The following KDM5A variants were observed in gnomAD, a reference collection of about 807,000 sequenced individuals.
KDM5A encodes the protein lysine demethylase 5A, also known as lysine-specific demethylase 5A.
Under a neutral mutation model 193.5 loss-of-function variants are expected in KDM5A, and 42 were observed. The observed-to-expected ratio is 0.22, with a 90% CI of 0.17 to 0.28. The LOEUF (loss-of-function observed/expected upper bound fraction) is 0.28. KDM5A is among the 10% of genes least tolerant of loss of function. KDM5A has a pLI of 1.00. For synonymous variants in KDM5A, 796 were observed against 718.1 expected, an observed-to-expected ratio of 1.11 and a Z score of -1.73; for missense variants, 1,692 against 2,055.1, an observed-to-expected ratio of 0.82 and a Z score of 3.42.
At chr12:296,094 G>A (rs1452394376) in intron 25 of KDM5A, among the ~76,000 whole-genome samples, 1 of 151,990 alleles carries the variant, frequency 6.6e-6, no homozygotes, top group East Asian at 1.9e-4. Context: ...TGAGGCGGGT[G>A]GATCACCTGA....
chr12:323,500 G>T, intron 15 of KDM5A, 100 bp downstream of exon 15: 1 of 1,236,942 alleles, frequency 8.1e-7, no homozygotes, highest in Non-Finnish European at 1.2e-6. Context: ...AAGTTTAGAA[G>T]TCCAGAGTAA....
intron 4 of KDM5A, among the ~76,000 whole-genome samples, chr12:365,021 T>C (rs1026981472): frequency 1.3e-5 from 2 of 151,934 alleles, no homozygotes; most frequent in African/African-American, 4.8e-5. Flanking sequence ...TATTCAGCCA[T>C]AAAAATAAAG....
chr12:374,387 G>A (rs1221811911), intron 3 of KDM5A, among the ~76,000 whole-genome samples: 1 of 152,164 alleles, frequency 6.6e-6, no homozygotes, highest in Non-Finnish European at 1.5e-5. Flanking sequence ...TCAGAGACTA[G>A]GATTGCAACC....
intron 12 of KDM5A, among the ~76,000 whole-genome samples, 166 bp from the exon 13 acceptor site, chr12:332,104 C>G (rs1943873482): frequency 6.6e-6 from 1 of 152,146 alleles, no homozygotes; most frequent in South Asian, 2.1e-4. Flanking sequence ...CAGAATTCTA[C>G]CTTCTTAAAA....
Position 379,416 on chromosome 12 carries a change from A to C in KDM5A, c.366+4615T>G, listed in dbSNP as rs1017279415. ...GAAAGGAGATGAAACAACCCACTAG[A>C]GTGCTATAAAAATGTTATATATCTT... is the stretch of plus-strand genomic sequence containing the variant. On this transcript the variant is annotated intron_variant, in intron 3 of 27. Coordinates refer to ENST00000399788, the MANE Select transcript of KDM5A (RefSeq NM_001042603.3). Among the ~76,000 whole-genome samples the C allele has an allele frequency of 3.3e-5, 5 of 152,276 alleles. No homozygotes were observed. The East Asian group carries it at 9.6e-4, about 29-fold the overall frequency.
At chr12:384,586 T>C (rs1343111720) in intron 2 of KDM5A, among the ~76,000 whole-genome samples, 2 of 152,130 alleles carry the variant, frequency 1.3e-5, no homozygotes, top group East Asian at 3.8e-4. Flanking sequence ...TTCAACCCTG[T>C]AAAACTAGCC....
chr12:368,869 A>T (rs1944389511), intron 3 of KDM5A, among the ~76,000 whole-genome samples: 1 of 152,224 alleles, frequency 6.6e-6, no homozygotes, highest in Non-Finnish European at 1.5e-5. Context: ...GACAAATAAA[A>T]TAAAATATGA....
rs60377454 is a variant in KDM5A at position 323,210 on chromosome 12, C to CAAAAAA, written c.2151-10_2151-5dup. 4,279 of 296,558 alleles carry CAAAAAA rather than the reference C, an allele frequency of 0.014. 175 individuals carry two copies. Among genetic ancestry groups the CAAAAAA allele is most frequent in the Admixed American group, 0.037 (291 of 7,912 alleles). 18.4% of individuals were successfully genotyped at this position (296,558 alleles called of 1,614,324 possible). On this transcript the variant is annotated splice_region_variant and splice_polypyrimidine_tract_variant and intron_variant, in intron 15 of 27. Transcript: ENST00000399788. ...GTCTTCTAATGGGTAGCGATATCTA[C>CAAAAAA]AAAAAAAAAAAAAAAAAAAAAAAAA...
intron 8 of KDM5A, among the ~76,000 whole-genome samples, chr12:353,096 G>C (rs1337623143): frequency 1.3e-5 from 2 of 152,164 alleles, no homozygotes; most frequent in Non-Finnish European, 2.9e-5. Flanking sequence ...TGTAATCCCA[G>C]CACTTTGGAA....
rs1943519543 is a variant in KDM5A, at chr12:307,311, G to T, written c.3930+143C>A. ...GTACGTATCCAAAAAAAGTGCTATA[G>T]TGTATGTTGAAGGAGAATGCAATGG... On this transcript the variant is annotated intron_variant, in intron 23 of 27. Transcript: ENST00000399788. This position sits in a 1 kb window ranked among gnomAD's most constrained non-coding sequence, Gnocchi z 4.3. The T allele has an allele frequency of 9.8e-7, 1 of 1,021,358 alleles. No homozygotes were observed. The highest frequency in any genetic ancestry group is 1.5e-6 in the Non-Finnish European group (1 of 671,110). 63.3% of individuals were successfully genotyped at this position (1,021,358 alleles called of 1,614,324 possible). A position where few individuals can be genotyped will look rare whatever the true frequency, so the allele number is the denominator to read the frequency against.
chr12:332,877 A>G (rs192318786), intron 12 of KDM5A, among the ~76,000 whole-genome samples: 98 of 152,336 alleles, frequency 6.4e-4, no homozygotes, highest in Non-Finnish European at 1.2e-3. Flanking sequence ...TTAAATAGAG[A>G]TAACAAAGAA....
chr12:368,333 G>A (rs1030970997), intron 3 of KDM5A, among the ~76,000 whole-genome samples: 59 of 151,978 alleles, frequency 3.9e-4, no homozygotes, highest in African/African-American at 1.4e-3. Context: ...ACTCAACTGT[G>A]TATTTTTAAA....
In KDM5A at chr12:322,497, T is replaced by A. The variant is rs376839905; in HGVS notation, c.2346A>T (p.Arg782=). The part of the protein sequence containing the change: ...DRKYPENDLF[R]KLRDAVKEAE... ...CTTCTTTTACAGCATCCCTGAGTTT[T>A]CGAAAGAGATCATTCTCTGGGTATT... Residue 782 remains arginine (R), a synonymous_variant, in exon 17 of 28, where the codon CGA becomes CGT. Transcript: ENST00000399788. 8 of 1,613,496 alleles carry A rather than the reference T, an allele frequency of 5.0e-6. No homozygotes were observed. Among genetic ancestry groups the A allele is most frequent in the Non-Finnish European group, 6.8e-6 (8 of 1,179,750 alleles).
intron 4 of KDM5A, among the ~76,000 whole-genome samples, chr12:363,762 A>C (rs1274692881): frequency 1.3e-5 from 2 of 152,182 alleles, no homozygotes; most frequent in Non-Finnish European, 2.9e-5. Context: ...CATAGAAGGA[A>C]AAAAGAAATA....
chr12:295,489 C>G, intron 26 of KDM5A, 84 bp downstream of exon 26: 1 of 1,282,968 alleles, frequency 7.8e-7, no homozygotes, highest in Non-Finnish European at 1.1e-6. Flanking sequence ...CCTCAGCCAC[C>G]CCTTTGCCAA....
chr12:367,041 A>G (rs7134608), intron 3 of KDM5A, among the ~76,000 whole-genome samples: 107,039 of 152,052 alleles, frequency 0.7, 37,891 homozygotes, highest in Middle Eastern at 0.78. Flanking sequence ...TAGCCTAGGT[A>G]TGCAGTAGGC....
rs1943518470 is a variant in KDM5A, at chr12:307,190, T to C, written c.3931-101A>G. ...ACCAAAATGTAATGAATAAGCAAAGTGGCTAACAGAGTTCTTCAACAGTTA... is the reference window on the plus strand; with the variant it reads ...ACCAAAATGTAATGAATAAGCAAAGCGGCTAACAGAGTTCTTCAACAGTTA... On this transcript the variant is annotated intron_variant, in intron 23 of 27. Coordinates refer to ENST00000399788, the MANE Select transcript of KDM5A (RefSeq NM_001042603.3). This position sits in a 1 kb window ranked among gnomAD's most constrained non-coding sequence, Gnocchi z 4.3. 2 of 1,383,294 alleles carry C rather than the reference T, an allele frequency of 1.4e-6. No homozygotes were observed. The highest frequency in any genetic ancestry group is 1.7e-5 in the Admixed American group (1 of 57,540). The allele number at this position is 1,383,294 out of a possible 1,614,324, so 85.7% of individuals were successfully genotyped here.
chr12:296,130 C>T (rs2137370754), intron 25 of KDM5A, among the ~76,000 whole-genome samples: 2 of 152,016 alleles, frequency 1.3e-5, no homozygotes, highest in East Asian at 3.9e-4. Flanking sequence ...ACCAGCCTGA[C>T]CAACATAGTG....
intron 10 of KDM5A, among the ~76,000 whole-genome samples, chr12:338,783 C>T (rs1028637368): frequency 1.1e-4 from 16 of 152,098 alleles, no homozygotes; most frequent in African/African-American, 3.1e-4. Context: ...AATGACAATA[C>T]GGAACAAGGA....
Sources: gnomAD v4.1 joint callset for allele counts (sites outside exome capture counted in the v4.1 genomes callset) on GRCh38, gnomAD v4.1.1 for gene constraint, Gnocchi (gnomAD v3.1) non-coding constraint, MANE v1.5 for transcripts, NCBI Gene and HGNC (gene_info 2026-07-23, HGNC 2026-07-21) for gene names.